The following CLASP2 variants were observed in gnomAD, a reference collection of about 807,000 sequenced individuals.
CLASP2 encodes the protein cytoplasmic linker associated protein 2, also known as CLIP-associating protein 2.
Under a neutral mutation model 194.4 loss-of-function variants are expected in CLASP2, and 47 were observed. The observed-to-expected ratio is 0.24, with a 90% CI of 0.19 to 0.31. The LOEUF (loss-of-function observed/expected upper bound fraction) is 0.31, where lower values mean the gene tolerates loss of function less well. Among genes scored for constraint, CLASP2 ranks in the 10% least tolerant of loss-of-function variants. The pLI, the probability that CLASP2 is intolerant of heterozygous loss-of-function variation, is 1.00. For missense variants in CLASP2, 1,445 were observed against 1,823.6 expected (o/e 0.79, Z 3.78); for synonymous variants, 619 against 633.5 (o/e 0.98, Z 0.34).
chr3:33,589,692 G>C (rs1269543002), intron 21 of CLASP2, among the ~76,000 whole-genome samples: 1 of 152,106 alleles, frequency 6.6e-6, no homozygotes, highest in African/African-American at 2.4e-5. Flanking sequence ...TTTAGGAGAA[G>C]ATGTGGAGGA....
rs369886197 is a variant in CLASP2 at position 33,535,612 on chromosome 3, T to A, written c.3559-151A>T. On this transcript the variant is annotated intron_variant, in intron 33 of 38. Transcript: ENST00000682230. ...AAATTTAAGTAATGGCAATCAACATTATGAGTTACAATTTATATTCCAGAC... is the reference window on the plus strand; with the variant it reads ...AAATTTAAGTAATGGCAATCAACATAATGAGTTACAATTTATATTCCAGAC... 2.6e-5 allele frequency among the ~76,000 whole-genome samples: 4 copies of A among 152,272 alleles called. No individual in the cohort carries two copies. The East Asian group carries it at 7.7e-4, about 29-fold the overall frequency.
intron 6 of CLASP2, among the ~76,000 whole-genome samples, chr3:33,672,935 G>C (rs1321030313): frequency 6.6e-6 from 1 of 152,150 alleles, no homozygotes; most frequent in Non-Finnish European, 1.5e-5. Flanking sequence ...AGAAATATGG[G>C]ACTATGTGAA....
chr3:33,507,801 T>C (rs908109212), intron 37 of CLASP2, among the ~76,000 whole-genome samples: 3 of 151,676 alleles, frequency 2.0e-5, no homozygotes, highest in Non-Finnish European at 4.4e-5. Flanking sequence ...TTTTGTCTAG[T>C]TGTCCCACCT....
At chr3:33,571,269 T>C (rs1372264323) in intron 25 of CLASP2, among the ~76,000 whole-genome samples, 1 of 146,808 alleles carries the variant, frequency 6.8e-6, no homozygotes, top group Non-Finnish European at 1.5e-5. Context: ...CGCCTCAGCC[T>C]CCCAAAGTGC....
Position 33,602,953 on chromosome 3 carries a change from T to C in CLASP2, c.1923A>G (p.Leu641=), listed in dbSNP as rs527712945. 3.1e-6 allele frequency: 5 copies of C among 1,608,580 alleles called. No homozygotes were observed. Among genetic ancestry groups the C allele is most frequent in the Non-Finnish European group, 4.2e-6 (5 of 1,177,316 alleles). ...ATTTTCCATAATCAGTTCTCTTACC[T>C]AGTGACGCATAGGAACCTGCATTCA... ...GALNAGSYAS[L]EDTSDKLDGT... The change falls in exon 18 of 39, where the codon CTA becomes CTG. Residue 641 remains leucine (L), a splice_region_variant and synonymous_variant. Coordinates refer to ENST00000682230, the MANE Select transcript of CLASP2 (RefSeq NM_001365631.1).
At chr3:33,596,573 C>T (rs576476307) in intron 19 of CLASP2, 138 bp downstream of exon 19, 2 of 729,528 alleles carry the variant, frequency 2.7e-6, no homozygotes, top group Admixed American at 4.4e-5. Flanking sequence ...AATTATGTAG[C>T]CATTTTCACA....
rs138594578 is a variant in CLASP2, at chr3:33,506,997, G to A, written c.4317+3561C>T. On this transcript the variant is annotated intron_variant, in intron 37 of 38. Transcript: ENST00000682230. Reference sequence around the variant, plus strand: ...CTTGTTGCCCAGGCTGGAGTGCAATGGCTCAATCTCAGCTCACTGCAACCT... The same window carrying A: ...CTTGTTGCCCAGGCTGGAGTGCAATAGCTCAATCTCAGCTCACTGCAACCT... Among the ~76,000 whole-genome samples, 563 of 148,052 alleles carry A rather than the reference G, an allele frequency of 3.8e-3. 2 individuals carry two copies. The highest frequency in any genetic ancestry group is 0.013 in the African/African-American group (535 of 40,282).
chr3:33,507,086 G>A (rs986916440), intron 37 of CLASP2, among the ~76,000 whole-genome samples: 2 of 151,806 alleles, frequency 1.3e-5, no homozygotes, highest in East Asian at 1.9e-4. Flanking sequence ...TTACAGAGGC[G>A]CACCACCACA....
rs899577497 is a variant in CLASP2, at chr3:33,581,898, A to G, written c.2270T>C (p.Val757Ala). Residue 757 changes from valine (V) to alanine (A), a missense_variant, in exon 23 of 39, where the codon GTG becomes GCG. Val to Ala is a moderately conservative substitution (Grantham distance 64). Coordinates refer to ENST00000682230, the MANE Select transcript of CLASP2 (RefSeq NM_001365631.1). ...ARSSRIPRPS[V>A]SQGCSREASR... ...AGCTTCCCGGCTGCATCCTTGACTC[A>G]CACTTGGTCGAGGAATACGACTGCT... is the stretch of plus-strand genomic sequence containing the variant. 3 of 1,613,474 alleles carry G rather than the reference A, an allele frequency of 1.9e-6. No homozygotes were observed. The highest frequency in any genetic ancestry group is 3.3e-5 in the Admixed American group (2 of 59,960).
At chr3:33,662,021 T>C (rs1173395437) in intron 7 of CLASP2, among the ~76,000 whole-genome samples, 1 of 152,158 alleles carries the variant, frequency 6.6e-6, no homozygotes. Flanking sequence ...ATTCAGACTG[T>C]AATCATCAAT....
intron 14 of CLASP2, among the ~76,000 whole-genome samples, chr3:33,607,741 A>T (rs1035396799): frequency 3.9e-5 from 6 of 152,166 alleles, no homozygotes; most frequent in Admixed American, 2.0e-4. Flanking sequence ...CATAGTACCT[A>T]AATTTTTAAT....
intron 1 of CLASP2, among the ~76,000 whole-genome samples, chr3:33,712,497 T>C (rs1381568147): frequency 6.6e-6 from 1 of 152,094 alleles, no homozygotes; most frequent in Non-Finnish European, 1.5e-5. Context: ...ACAAAACCAC[T>C]GAAATTATAA....
chr3:33,581,753 G>T, intron 23 of CLASP2, 68 bp downstream of exon 23: 2 of 1,049,810 alleles, frequency 1.9e-6, no homozygotes, highest in Non-Finnish European at 2.9e-6. Flanking sequence ...TCCCAGGTAT[G>T]CTGAAGTTAA....
At chr3:33,610,176 G>A (rs1437786243) in intron 13 of CLASP2, among the ~76,000 whole-genome samples, 2 of 152,110 alleles carry the variant, frequency 1.3e-5, no homozygotes, top group Admixed American at 6.5e-5. Context: ...GCTTTTCATT[G>A]TTTCTTCTCA....
intron 1 of CLASP2, among the ~76,000 whole-genome samples, chr3:33,710,045 G>A (rs1391965255): frequency 1.3e-5 from 2 of 152,146 alleles, no homozygotes; most frequent in Non-Finnish European, 2.9e-5. Context: ...CACAGTGATG[G>A]GGCAGGATTG....
intron 23 of CLASP2, among the ~76,000 whole-genome samples, chr3:33,579,008 A>C (rs1310044312): frequency 6.6e-6 from 1 of 152,212 alleles, no homozygotes; most frequent in African/African-American, 2.4e-5. Context: ...AAAGGACCAA[A>C]GAATGTAGGC....
intron 8 of CLASP2, among the ~76,000 whole-genome samples, chr3:33,642,825 A>G (rs572191591): frequency 6.6e-6 from 1 of 151,966 alleles, no homozygotes; most frequent in Non-Finnish European, 1.5e-5. Context: ...AATGGGCAAT[A>G]AACCTAAATG....
intron 2 of CLASP2, among the ~76,000 whole-genome samples, chr3:33,690,333 T>C (rs917571400): frequency 2.6e-5 from 4 of 152,172 alleles, no homozygotes; most frequent in African/African-American, 9.7e-5. Flanking sequence ...GTACTAGGTG[T>C]GTGACCAAAT....
At chr3:33,693,710 T>G (rs1474601041) in intron 2 of CLASP2, among the ~76,000 whole-genome samples, 1 of 152,174 alleles carries the variant, frequency 6.6e-6, no homozygotes, top group Non-Finnish European at 1.5e-5. Context: ...AATTTTCCTA[T>G]TATACCACAC....
Sources: gnomAD v4.1 joint callset for allele counts (sites outside exome capture counted in the v4.1 genomes callset) on GRCh38, gnomAD v4.1.1 for gene constraint, MANE v1.5 for transcripts, NCBI Gene and HGNC (gene_info 2026-07-23, HGNC 2026-07-21) for gene names.